The following MAGI2 variants were observed in gnomAD, a reference collection of about 807,000 sequenced individuals.
MAGI2 encodes membrane-associated guanylate kinase, WW and PDZ domain-containing protein 2.
A neutral mutation model predicts 133.3 loss-of-function variants in MAGI2; 35 were observed. The observed-to-expected ratio is 0.26, with a 90% confidence interval of 0.20 to 0.35. The LOEUF is 0.35. Ranked by LOEUF, MAGI2 falls within the 10% of genes least tolerant of loss-of-function variation. The pLI is 1.00. For synonymous variants in MAGI2, 729 were observed against 710.6 expected (o/e 1.03, Z -0.41); for missense variants, 1,636 against 1,863.4 (o/e 0.88, Z 2.25).
chr7:78,397,866 A>G (rs2151332310), intron 6 of MAGI2, among the ~76,000 whole-genome samples: 1 of 152,266 alleles, frequency 6.6e-6, no homozygotes, highest in Middle Eastern at 3.4e-3. Context: ...AAATAAGTAG[A>G]GGGCAACATA....
At chr7:79,267,498 C>T (rs564964405) in intron 1 of MAGI2, among the ~76,000 whole-genome samples, 2 of 152,216 alleles carry the variant, frequency 1.3e-5, no homozygotes, top group East Asian at 1.9e-4. Flanking sequence ...CGTGCTGGCT[C>T]GGGGTTGCCT....
chr7:78,303,070 C>G (rs1797968901), intron 9 of MAGI2, among the ~76,000 whole-genome samples: 1 of 152,114 alleles, frequency 6.6e-6, no homozygotes, highest in Non-Finnish European at 1.5e-5. Flanking sequence ...ATGAATAGGG[C>G]TTGGCCTTGC....
At chr7:78,648,344 A>G (rs1584956671) in intron 2 of MAGI2, among the ~76,000 whole-genome samples, 1 of 152,338 alleles carries the variant, frequency 6.6e-6, no homozygotes, top group East Asian at 1.9e-4. Flanking sequence ...TGAATAAAAA[A>G]TGCTCAGTAC....
At chr7:78,164,354 G>A (rs1270178914) in intron 15 of MAGI2, among the ~76,000 whole-genome samples, 1 of 152,212 alleles carries the variant, frequency 6.6e-6, no homozygotes, top group Non-Finnish European at 1.5e-5. Flanking sequence ...TATGGACAGA[G>A]CTTGGTCATG....
intron 2 of MAGI2, among the ~76,000 whole-genome samples, chr7:79,001,115 C>T (rs1001741053): frequency 1.3e-5 from 2 of 152,156 alleles, no homozygotes; most frequent in East Asian, 1.9e-4. Flanking sequence ...TGGGGTTTCA[C>T]CATGTTGGCC....
chr7:79,075,552 G>A (rs1309158084), intron 1 of MAGI2, among the ~76,000 whole-genome samples: 2 of 152,080 alleles, frequency 1.3e-5, no homozygotes, highest in Admixed American at 1.3e-4. Flanking sequence ...TTTGAGCCCA[G>A]GAGTTCAAGA....
intron 1 of MAGI2, among the ~76,000 whole-genome samples, chr7:79,409,149 A>C (rs905560079): frequency 2.6e-5 from 4 of 152,218 alleles, no homozygotes; most frequent in Admixed American, 6.5e-5. Flanking sequence ...TAGATATACT[A>C]AGAGAAAAAA....
chr7:78,758,939 C>T (rs532318286), intron 2 of MAGI2, among the ~76,000 whole-genome samples: 8 of 152,242 alleles, frequency 5.3e-5, no homozygotes, highest in East Asian at 3.9e-4. Flanking sequence ...TTTGTTTACA[C>T]GTCTATCTCC....
chr7:78,917,724 C>T (rs1211280310), intron 2 of MAGI2, among the ~76,000 whole-genome samples: 1 of 152,114 alleles, frequency 6.6e-6, no homozygotes, highest in Non-Finnish European at 1.5e-5. Flanking sequence ...ACATATCTGA[C>T]AGACACCGGC....
intron 3 of MAGI2, among the ~76,000 whole-genome samples, chr7:78,528,318 C>G (rs1472538948): frequency 6.6e-6 from 1 of 152,034 alleles, no homozygotes; most frequent in Non-Finnish European, 1.5e-5. Context: ...AGAAAACTTG[C>G]CAGATTGTAA....
chr7:79,017,654 A>G lies in MAGI2; in HGVS notation c.302-10448T>C, dbSNP rs188026876. Among the ~76,000 whole-genome samples, 249 of 152,364 alleles carry G rather than the reference A, an allele frequency of 1.6e-3. 1 individual carries two copies. Among genetic ancestry groups the G allele is most frequent in the South Asian group, 6.0e-3 (29 of 4,832 alleles). On this transcript the variant is annotated intron_variant, in intron 1 of 21. Coordinates refer to ENST00000354212, the MANE Select transcript of MAGI2 (RefSeq NM_012301.4). The stretch of plus-strand genomic sequence containing the variant: ...AATGAAGATTACTGACATATAGGAG[A>G]AAGTCAAAACCCAATTCAAGGAATC...
intron 1 of MAGI2, among the ~76,000 whole-genome samples, chr7:79,019,376 C>T (rs917411555): frequency 1.7e-4 from 26 of 152,028 alleles, no homozygotes; most frequent in Non-Finnish European, 3.2e-4. Flanking sequence ...TAAGATGTTT[C>T]CCCTTTCATT....
chr7:78,292,096 G>A (rs1437774176), intron 9 of MAGI2, among the ~76,000 whole-genome samples: 7 of 152,184 alleles, frequency 4.6e-5, no homozygotes, highest in Non-Finnish European at 1.0e-4. Context: ...AATCAGGCAG[G>A]AGAAAGAAAT....
chr7:78,197,504 C>T (rs1002084671), intron 11 of MAGI2, among the ~76,000 whole-genome samples: 15 of 152,158 alleles, frequency 9.9e-5, no homozygotes, highest in Non-Finnish European at 1.8e-4. Context: ...ATTGGACATG[C>T]TTCACATGAA....
chr7:78,912,485 G>A (rs1337520326), intron 2 of MAGI2, among the ~76,000 whole-genome samples: 2 of 151,922 alleles, frequency 1.3e-5, no homozygotes, highest in Non-Finnish European at 2.9e-5. Flanking sequence ...ATCTGGGTGG[G>A]CACAATCTAA....
intron 1 of MAGI2, among the ~76,000 whole-genome samples, chr7:79,442,092 A>T (rs1848531910): frequency 6.6e-6 from 1 of 152,196 alleles, no homozygotes; most frequent in Non-Finnish European, 1.5e-5. Context: ...CAGCTTGTAC[A>T]TTATGTGGTC....
chr7:78,489,735 A>G, intron 6 of MAGI2, 26 bp downstream of exon 6: 2 of 1,556,316 alleles, frequency 1.3e-6, no homozygotes, highest in Non-Finnish European at 1.8e-6. Context: ...ACATTGCTGA[A>G]ACACCATAAA....
intron 2 of MAGI2, among the ~76,000 whole-genome samples, chr7:78,725,815 C>CAACAAACA (rs371894892): frequency 0.015 from 2,334 of 151,938 alleles, 22 homozygotes; most frequent in Middle Eastern, 0.024. Context: ...ACAACAACCA[C>CAACAAACA]AACAAACAAA....
chr7:78,517,902 A>G (rs1796172336), intron 4 of MAGI2, among the ~76,000 whole-genome samples: 1 of 152,082 alleles, frequency 6.6e-6, no homozygotes, highest in South Asian at 2.1e-4. Flanking sequence ...TTCCTGGAGA[A>G]CTTATATATT....
Sources: gnomAD v4.1 joint callset for allele counts (sites outside exome capture counted in the v4.1 genomes callset) on GRCh38, gnomAD v4.1.1 for gene constraint, MANE v1.5 for transcripts, NCBI Gene and HGNC (gene_info 2026-07-23, HGNC 2026-07-21) for gene names.